PARP9: variants seen among roughly 807,000 people sequenced by gnomAD.
PARP9 encodes protein mono-ADP-ribosyltransferase PARP9.
PARP9 carries 48 observed loss-of-function variants against 68.8 expected under a neutral mutation model. The observed-to-expected ratio is 0.70, with a 90% CI of 0.55 to 0.89. The LOEUF (loss-of-function observed/expected upper bound fraction) is 0.89, where lower values mean the gene tolerates loss of function less well. PARP9 is among the 40% of genes least tolerant of loss of function. PARP9 has a pLI of 0.00. For missense variants in PARP9, 806 were observed against 969.3 expected, an observed-to-expected ratio of 0.83 and a Z score of 2.24; for synonymous variants, 309 against 333.8, an observed-to-expected ratio of 0.93 and a Z score of 0.81.
chr3:122,535,376 A>G, intron 10 of PARP9: 1 of 985,390 alleles, frequency 1.0e-6, no homozygotes, highest in African/African-American at 1.7e-5. Context: ...CTAGAAACCA[A>G]GTCTATTGGA....
chr3:122,528,801 G>A (rs933332767), intron 10 of PARP9, 58 bp from the exon 11 acceptor site: 21 of 1,402,818 alleles, frequency 1.5e-5, no homozygotes, highest in African/African-American at 7.3e-5. Flanking sequence ...TGATATTGCC[G>A]ATTTGGGTAC....
intron 4 of PARP9, among the ~76,000 whole-genome samples, 198 bp from the exon 5 acceptor site, chr3:122,552,837 A>G (rs1019800921): frequency 6.6e-6 from 1 of 152,194 alleles, no homozygotes; most frequent in African/African-American, 2.4e-5. Flanking sequence ...GCTGAATTAC[A>G]TAATTCAGAA....
Position 122,537,007 on chromosome 3 carries a change from C to T in PARP9, c.1832G>A (p.Cys611Tyr). The T allele has an allele frequency of 6.2e-7, 1 of 1,613,818 alleles. No homozygotes were observed. The change falls in exon 9 of 11, where the codon TGT becomes TAT. Residue 611 changes from cysteine (C) to tyrosine (Y), a missense_variant. By Grantham distance (194) the Cys-to-Tyr change is radical. Transcript: ENST00000682323. ...EMKENIIFLK[C>Y]PVPPTQELLD... ...AAGCTCTTGAGTTGGAGGCACAGGA[C>T]ATTTCAGAAATATGATATTTTCTTT...
At chr3:122,563,909 A>G (rs940297262) in intron 1 of PARP9, among the ~76,000 whole-genome samples, 9 of 152,266 alleles carry the variant, frequency 5.9e-5, no homozygotes, top group African/African-American at 2.2e-4. Flanking sequence ...ATGGAGGAGA[A>G]AAGCCCGCAG....
At chr3:122,537,104 C>CAATG (rs1270857380) in intron 8 of PARP9, 31 bp from the exon 9 acceptor site, 1 of 1,580,090 alleles carries the variant, frequency 6.3e-7, no homozygotes, top group Non-Finnish European at 8.6e-7. Context: ...AACTTTACTT[C>CAATG]AATGCTCTGA....
chr3:122,535,723 A>G, intron 10 of PARP9: 1 of 996,312 alleles, frequency 1.0e-6, no homozygotes, highest in Non-Finnish European at 1.2e-6. Context: ...AGCAGGCTAT[A>G]GGAAACAAAG....
At chr3:122,560,266 C>G (rs922277115) in intron 1 of PARP9, among the ~76,000 whole-genome samples, 24 of 152,112 alleles carry the variant, frequency 1.6e-4, no homozygotes, top group Admixed American at 8.5e-4. Context: ...GATTTTCCAT[C>G]TAATAGGTAG....
chr3:122,530,787 G>A (rs2077256331), intron 10 of PARP9, among the ~76,000 whole-genome samples: 1 of 152,034 alleles, frequency 6.6e-6, no homozygotes, highest in African/African-American at 2.4e-5. Context: ...AAACTTCCAG[G>A]CTGAGTGGCT....
chr3:122,549,650 A>T (rs927879378), intron 6 of PARP9, among the ~76,000 whole-genome samples: 1 of 152,066 alleles, frequency 6.6e-6, no homozygotes, highest in Non-Finnish European at 1.5e-5. Flanking sequence ...GCATGGTAGC[A>T]TGTGCCTGTA....
chr3:122,539,545 T>TTCTTTCTTTCTTTCTTTC (rs2077986771), intron 8 of PARP9, among the ~76,000 whole-genome samples: 1 of 140,908 alleles, frequency 7.1e-6, no homozygotes, highest in African/African-American at 2.8e-5. Context: ...CTTTCTTTCT[T>TTCTTTCTTTCTTTCTTTC]TCTTTCTTTC....
At chr3:122,555,053 G>A (rs919049157) in intron 4 of PARP9, among the ~76,000 whole-genome samples, 1 of 152,002 alleles carries the variant, frequency 6.6e-6, no homozygotes, top group Non-Finnish European at 1.5e-5. Context: ...ATTTTTTAAA[G>A]AGATGGGGTC....
At chr3:122,557,694 G>A (rs946380817) in intron 3 of PARP9, among the ~76,000 whole-genome samples, 5 of 152,202 alleles carry the variant, frequency 3.3e-5, no homozygotes, top group South Asian at 4.2e-4. Flanking sequence ...TGCCCAGTCC[G>A]GCTTCCTCTC....
intron 10 of PARP9, chr3:122,535,808 T>C (rs1330507064): frequency 9.1e-7 from 1 of 1,096,280 alleles, no homozygotes; most frequent in Non-Finnish European, 1.1e-6. Context: ...GACGGTTCAG[T>C]GCTGTTGGTA....
At chr3:122,564,534 G>A, upstream of PARP9, 2 of 1,610,884 alleles carry the variant, frequency 1.2e-6, no homozygotes, top group Non-Finnish European at 1.7e-6. Context: ...CTAAGTCCTC[G>A]GGCGGCGGGG....
chr3:122,540,769 C>T lies in PARP9; in HGVS notation c.1468G>A (p.Glu490Lys). 1 of 1,614,144 alleles carries T rather than the reference C, an allele frequency of 6.2e-7. No homozygotes were observed. The highest frequency in any genetic ancestry group is 8.5e-7 in the Non-Finnish European group (1 of 1,180,022). ...PAINLMGFNVEEMYEAHAWIQ... is the reference protein window; with the variant it reads ...PAINLMGFNVKEMYEAHAWIQ... ...CATGCGTGGGCCTCATACATCTCTT[C>T]CACGTTGAATCCCATCAGATTGATG... Residue 490 changes from glutamate to lysine, a missense_variant, in exon 8 of 11, where the codon GAA becomes AAA. Glu to Lys is a moderately conservative substitution (Grantham distance 56, BLOSUM62 1). Transcript: ENST00000682323.
At chr3:122,547,875 G>T (rs2078890384) in intron 6 of PARP9, among the ~76,000 whole-genome samples, 1 of 152,068 alleles carries the variant, frequency 6.6e-6, no homozygotes, top group Non-Finnish European at 1.5e-5. Flanking sequence ...ATTAAAAAAA[G>T]AAATAGTTCA....
chr3:122,549,802 A>C (rs2079053125), intron 6 of PARP9, among the ~76,000 whole-genome samples: 1 of 151,890 alleles, frequency 6.6e-6, no homozygotes, highest in Non-Finnish European at 1.5e-5. Flanking sequence ...AAAGAGAGAG[A>C]GAGAGAAGAC....
upstream of PARP9, chr3:122,564,340 A>C (rs1245767897): frequency 6.9e-6 from 10 of 1,442,448 alleles, no homozygotes; most frequent in Non-Finnish European, 8.3e-6. Flanking sequence ...GCGAAACTGA[A>C]ACTTTGCGCC....
intron 7 of PARP9, 121 bp downstream of exon 7, chr3:122,545,311 C>G (rs2078616551): frequency 1.0e-6 from 1 of 983,226 alleles, no homozygotes; most frequent in African/African-American, 1.6e-5. Flanking sequence ...CAAGCAGGAC[C>G]ACAATGCAAT....
Sources: gnomAD v4.1 joint callset for allele counts (sites outside exome capture counted in the v4.1 genomes callset) on GRCh38, gnomAD v4.1.1 for gene constraint, MANE v1.5 for transcripts, NCBI Gene and HGNC (gene_info 2026-07-23, HGNC 2026-07-21) for gene names.